MN1: variants seen among roughly 807,000 people sequenced by gnomAD.
MN1 encodes transcriptional activator MN1.
A neutral mutation model predicts 86.9 loss-of-function variants in MN1; 19 were observed. The ratio of observed to expected loss-of-function variants is 0.22; its 90% CI spans 0.15 to 0.32. The LOEUF (loss-of-function observed/expected upper bound fraction) is 0.32, where lower values mean the gene tolerates loss of function less well. Among genes scored for constraint, MN1 ranks in the 10% least tolerant of loss-of-function variants. The pLI, the probability that MN1 is intolerant of heterozygous loss-of-function variation, is 1.00. For missense variants in MN1, 1,841 were observed against 1,862.0 expected, an observed-to-expected ratio of 0.99 and a Z score of 0.21; for synonymous variants, 928 against 849.6, an observed-to-expected ratio of 1.09 and a Z score of -1.60.
At chr22:27,775,480 G>C (rs1932966025) in intron 1 of MN1, among the ~76,000 whole-genome samples, 1 of 152,128 alleles carries the variant, frequency 6.6e-6, no homozygotes, top group Non-Finnish European at 1.5e-5. Flanking sequence ...CTGTAAATGG[G>C]GCTATCTCCT....
intron 1 of MN1, among the ~76,000 whole-genome samples, chr22:27,786,172 A>C (rs566367204): frequency 1.1e-3 from 162 of 152,276 alleles, no homozygotes; most frequent in Non-Finnish European, 2.0e-3. Context: ...TTTGAGTGGA[A>C]TTTTAGCCCA....
At chr22:27,762,082 T>C (rs1932838855) in intron 1 of MN1, among the ~76,000 whole-genome samples, 1 of 152,142 alleles carries the variant, frequency 6.6e-6, no homozygotes, top group African/African-American at 2.4e-5. Flanking sequence ...CATCTCTGAT[T>C]GGGCTCCCTG....
At position 27,797,330 on chromosome 22, in the gene MN1, C is replaced by G. The variant is rs778822088; in HGVS notation, c.3214G>C (p.Ala1072Pro). 8.1e-6 allele frequency: 13 copies of G among 1,605,154 alleles called. No individual in the cohort carries two copies. Among genetic ancestry groups the G allele is most frequent in the Middle Eastern group, 3.3e-4 (2 of 6,084 alleles). ...SSDNPQALVK[A>P]SRSPLVTGSP... The stretch of plus-strand genomic sequence containing the variant: ...CCGGTCACCAGGGGACTCCTGCTCG[C>G]TTTAACTAGTGCCTGGGGGTTGTCA... The change falls in exon 1 of 2, where the codon GCG becomes CCG. Residue 1072 changes from alanine to proline, a missense_variant. Ala to Pro is a conservative substitution (Grantham distance 27, BLOSUM62 -1). Transcript: ENST00000302326.
At position 27,797,806 on chromosome 22, in the gene MN1, C is replaced by T. The variant is rs1167730375; in HGVS notation, c.2738G>A (p.Gly913Glu). 6.3e-7 allele frequency: 1 copy of T among 1,592,760 alleles called. No homozygotes were observed. The highest frequency in any genetic ancestry group is 1.7e-5 in the Admixed American group (1 of 58,322). Residue 913 changes from glycine to glutamate, a missense_variant, in exon 1 of 2, where the codon GGG (glycine) becomes GAG (glutamate). By Grantham distance (98) the Gly-to-Glu change is moderately conservative (BLOSUM62 -2). Coordinates refer to ENST00000302326, the MANE Select transcript of MN1 (RefSeq NM_002430.3). ...GTTGGGGGAGAGGCTGGTGCCGTCC[C>T]CCTGGGCTGGAGGGTTGGGCGGCCC... Reference protein sequence around the residue: ...ASGPPNPPAQGDGTSLSPNYT... With the variant: ...ASGPPNPPAQEDGTSLSPNYT...
intron 1 of MN1, among the ~76,000 whole-genome samples, chr22:27,769,193 T>C (rs1932893892): frequency 6.6e-6 from 1 of 152,148 alleles, no homozygotes; most frequent in South Asian, 2.1e-4. Context: ...GCTAATCAAC[T>C]GCAGCACTCC....
At position 27,800,415 on chromosome 22, in the gene MN1, C is replaced by A. The variant is rs369362515; in HGVS notation, c.129G>T (p.Gly43=). 2 of 1,613,928 alleles carry A rather than the reference C, an allele frequency of 1.2e-6. No individual in the cohort carries two copies. Among genetic ancestry groups the A allele is most frequent in the Non-Finnish European group, 1.7e-6 (2 of 1,179,922 alleles). ...HFKAPAFHTG[G]PPGPVDPAMS... ...TAGCAGGATCCACAGGGCCAGGGGG[C>A]CCCCCAGTGTGGAAAGCCGGGGCCT... The change falls in exon 1 of 2, where the codon GGG becomes GGT. Residue 43 remains glycine (G), a synonymous_variant. Transcript: ENST00000302326.
Position 27,750,968 on chromosome 22 carries a change from G to A in MN1, c.3910C>T (p.Leu1304=), listed in dbSNP as rs778402991. Residue 1304 remains leucine (L), a synonymous_variant, in exon 2 of 2, where the codon CTG becomes TTG. Transcript: ENST00000302326. ...ARASVPTWRS[L]HSDISNRFGT... ...AATCTGTTGGAGATGTCAGAATGCA[G>A]GGACCGCCAGGTGGGCACGGAGGCT... 3 of 1,612,454 alleles carry A rather than the reference G, an allele frequency of 1.9e-6. No individual in the cohort carries two copies. Among genetic ancestry groups the A allele is most frequent in the African/African-American group, 1.3e-5 (1 of 75,004 alleles).
intron 1 of MN1, among the ~76,000 whole-genome samples, chr22:27,765,514 G>A (rs557007715): frequency 2.6e-4 from 40 of 152,342 alleles, no homozygotes; most frequent in Admixed American, 7.8e-4. Flanking sequence ...AGACTCGAGC[G>A]GGGGCTCCCA....
At position 27,798,012 on chromosome 22, in the gene MN1, G is replaced by A. The variant is rs1030007346; in HGVS notation, c.2532C>T (p.Leu844=). 1 of 1,604,108 alleles carries A rather than the reference G, an allele frequency of 6.2e-7. No homozygotes were observed. Among genetic ancestry groups the A allele is most frequent in the Non-Finnish European group, 8.5e-7 (1 of 1,176,694 alleles). The change falls in exon 1 of 2, where the codon CTC becomes CTT. Residue 844 remains leucine, a synonymous_variant. Transcript: ENST00000302326. Reference sequence around the variant, plus strand: ...GGTTCTTCTTGTTGAAGGTCACGTTGAGGTTGGGGGCCCCGAGGCTGGCGA... The same window carrying A: ...GGTTCTTCTTGTTGAAGGTCACGTTAAGGTTGGGGGCCCCGAGGCTGGCGA... The part of the protein sequence containing the change: ...NMIASLGAPN[L]NVTFNKKNPP...
chr22:27,755,561 T>C (rs1189702342), intron 1 of MN1, among the ~76,000 whole-genome samples: 2 of 152,206 alleles, frequency 1.3e-5, no homozygotes, highest in Non-Finnish European at 2.9e-5. Flanking sequence ...ACCCCTGCTC[T>C]TTCTCCTCCC....
rs1310555580 is a variant in MN1, at chr22:27,796,947, C to T, written c.3597G>A (p.Leu1199=). The T allele has an allele frequency of 6.2e-7, 1 of 1,612,488 alleles. No individual in the cohort carries two copies. The highest frequency in any genetic ancestry group is 1.7e-5 in the Admixed American group (1 of 59,974). The part of the protein sequence containing the change: ...ASGAQNGDSE[L]GSCCSEAVKS... ...TGACCGCCTCGGAGCAGCAGCTGCC[C>T]AGCTCGCTGTCGCCATTCTGCGCCC... The change falls in exon 1 of 2, where the codon CTG becomes CTA. Residue 1199 remains leucine (L), a synonymous_variant. Transcript: ENST00000302326.
intron 1 of MN1, among the ~76,000 whole-genome samples, chr22:27,755,318 G>A (rs1334961203): frequency 2.0e-5 from 3 of 152,190 alleles, no homozygotes; most frequent in Non-Finnish European, 2.9e-5. Context: ...GCATGTTGGG[G>A]GGTCAGTCCC....
Position 27,751,134 on chromosome 22 carries a change from A to G in MN1, c.3782-38T>C, listed in dbSNP as rs779941381. The G allele has an allele frequency of 2.7e-6, 4 of 1,506,858 alleles. No homozygotes were observed. In the South Asian group the frequency reaches 5.3e-5, roughly 20 times the overall value. 93.3% of individuals were successfully genotyped at this position (1,506,858 alleles called of 1,614,324 possible). Reference sequence around the variant, plus strand: ...AAGGAAGAGAGGACATTAGTGGCACACTCGTCTCTGAGGGACACCATAATG... The same window carrying G: ...AAGGAAGAGAGGACATTAGTGGCACGCTCGTCTCTGAGGGACACCATAATG... On this transcript the variant is annotated intron_variant, in intron 1 of 1. Transcript: ENST00000302326.
intron 1 of MN1, among the ~76,000 whole-genome samples, chr22:27,751,343 T>C (rs1160491735): frequency 6.6e-6 from 1 of 152,010 alleles, no homozygotes; most frequent in African/African-American, 2.4e-5. Flanking sequence ...CACTGGGAAA[T>C]AGGAAAGTGA....
intron 1 of MN1, among the ~76,000 whole-genome samples, chr22:27,794,147 C>T (rs1281346126): frequency 6.6e-6 from 1 of 152,128 alleles, no homozygotes; most frequent in Non-Finnish European, 1.5e-5. Context: ...CGAAGTGGCA[C>T]ACTTCACTCT....
intron 1 of MN1, among the ~76,000 whole-genome samples, chr22:27,772,750 C>G (rs1932930267): frequency 6.6e-6 from 1 of 152,076 alleles, no homozygotes; most frequent in African/African-American, 2.4e-5. Context: ...GTAAACTGTT[C>G]CCAGTGGTTT....
chr22:27,765,829 G>C (rs1932865652), intron 1 of MN1, among the ~76,000 whole-genome samples: 1 of 152,338 alleles, frequency 6.6e-6, no homozygotes, highest in Middle Eastern at 3.4e-3. Context: ...TGTGTGCCTG[G>C]TGAAGGGGGT....
chr22:27,756,967 C>T (rs562801258), intron 1 of MN1, among the ~76,000 whole-genome samples: 21 of 152,016 alleles, frequency 1.4e-4, no homozygotes, highest in African/African-American at 4.8e-4. Context: ...CACTATGTTG[C>T]CAAGCCTAGT....
At chr22:27,755,644 A>G (rs1326258240) in intron 1 of MN1, among the ~76,000 whole-genome samples, 2 of 152,070 alleles carry the variant, frequency 1.3e-5, no homozygotes, top group South Asian at 2.1e-4. Flanking sequence ...CTACCCCGTC[A>G]CCCCTGCCCT....
Sources: allele counts gnomAD v4.1 joint callset (sites outside exome capture counted in the v4.1 genomes callset), GRCh38; gene constraint gnomAD v4.1.1; transcripts MANE v1.5; gene names NCBI Gene and HGNC (gene_info 2026-07-23, HGNC 2026-07-21).